Variants in LTBP1 observed in about 807,000 individuals in gnomAD.
LTBP1 encodes latent transforming growth factor beta binding protein 1.
Under a neutral mutation model 207.6 loss-of-function variants are expected in LTBP1, and 129 were observed. The observed-to-expected ratio is 0.62, with a 90% CI of 0.54 to 0.72. The LOEUF (loss-of-function observed/expected upper bound fraction) is 0.72. Ranked by LOEUF, LTBP1 falls within the 30% of genes least tolerant of loss-of-function variation. The pLI, the probability that LTBP1 is intolerant of heterozygous loss-of-function variation, is 0.00. For missense variants in LTBP1, 2,281 were observed against 2,217.2 expected (o/e 1.03, Z -0.58); for synonymous variants, 963 against 833.7 (o/e 1.16, Z -2.67).
At chr2:33,063,619 T>C (rs2149661445) in intron 3 of LTBP1, among the ~76,000 whole-genome samples, 1 of 152,280 alleles carries the variant, frequency 6.6e-6, no homozygotes, top group Non-Finnish European at 1.5e-5. Flanking sequence ...ACTACATAAA[T>C]ATTAAAAGTT....
chr2:33,099,802 C>T (rs755524599), intron 3 of LTBP1, among the ~76,000 whole-genome samples: 25 of 152,146 alleles, frequency 1.6e-4, no homozygotes, highest in Admixed American at 2.6e-4. Flanking sequence ...GGGTGCCTCT[C>T]ATAGTGCTTT....
At chr2:32,952,254 T>C (rs1677248989) in intron 2 of LTBP1, among the ~76,000 whole-genome samples, 1 of 152,140 alleles carries the variant, frequency 6.6e-6, no homozygotes, top group South Asian at 2.1e-4. Flanking sequence ...AAATTGCAAA[T>C]CAGAGAGATG....
intron 24 of LTBP1, among the ~76,000 whole-genome samples, chr2:33,332,205 T>A (rs1402680821): frequency 1.3e-5 from 2 of 151,800 alleles, no homozygotes; most frequent in Middle Eastern, 3.4e-3. Context: ...TATCCTCAAA[T>A]AGTAGATTGC....
chr2:33,174,219 C>G (rs1182392416), intron 5 of LTBP1, among the ~76,000 whole-genome samples: 1 of 146,802 alleles, frequency 6.8e-6, no homozygotes, highest in African/African-American at 2.5e-5. Flanking sequence ...TCAAATTGTC[C>G]CTGTTTGCAG....
intron 31 of LTBP1, among the ~76,000 whole-genome samples, chr2:33,378,211 GTGTGTGTGTGTTT>G (rs2150340643): frequency 6.6e-6 from 1 of 150,632 alleles, no homozygotes; most frequent in Non-Finnish European, 1.5e-5. Flanking sequence ...GTGTGTGTGT[GTGTGTGTGTGTTT>G]TGTTTGTTTG....
intron 5 of LTBP1, among the ~76,000 whole-genome samples, chr2:33,177,707 A>G (rs6543696): frequency 0.12 from 17,809 of 152,138 alleles, 2,593 homozygotes; most frequent in African/African-American, 0.35. Context: ...CAAGCTAAGC[A>G]CAGTAGAGGA....
intron 23 of LTBP1, among the ~76,000 whole-genome samples, chr2:33,314,782 A>G (rs891994907): frequency 3.9e-5 from 6 of 152,316 alleles, no homozygotes; most frequent in African/African-American, 1.4e-4. Flanking sequence ...AGCTGTGTGC[A>G]TGGCAATGGG....
At chr2:33,129,158 G>A (rs1425876464) in intron 4 of LTBP1, among the ~76,000 whole-genome samples, 2 of 152,182 alleles carry the variant, frequency 1.3e-5, no homozygotes, top group Non-Finnish European at 2.9e-5. Context: ...AGTGGAGAAC[G>A]AGCAAAAACA....
intron 5 of LTBP1, among the ~76,000 whole-genome samples, chr2:33,179,340 A>G (rs928577523): frequency 2.0e-5 from 3 of 152,192 alleles, no homozygotes; most frequent in African/African-American, 7.2e-5. Flanking sequence ...GTTACTATGA[A>G]TATTCGTGAA....
chr2:33,347,074 C>T (rs767463331), intron 25 of LTBP1, among the ~76,000 whole-genome samples: 20 of 146,576 alleles, frequency 1.4e-4, no homozygotes, highest in Non-Finnish European at 2.2e-4. Context: ...GCCGAGATCG[C>T]GCCTCTGCAC....
At chr2:33,277,809 CTTTT>C (rs1159456025) in intron 18 of LTBP1, among the ~76,000 whole-genome samples, 60 of 105,724 alleles carry the variant, frequency 5.7e-4, no homozygotes, top group African/African-American at 1.7e-3. Flanking sequence ...CTCTCTCTTT[CTTTT>C]TTTCTTTCTT....
At chr2:33,124,109 C>G (rs921607698) in intron 4 of LTBP1, among the ~76,000 whole-genome samples, 1 of 152,096 alleles carries the variant, frequency 6.6e-6, no homozygotes, top group Non-Finnish European at 1.5e-5. Flanking sequence ...TTTAGCTTAA[C>G]AAAAATTACT....
At chr2:33,185,167 G>A (rs2087062160) in intron 5 of LTBP1, among the ~76,000 whole-genome samples, 1 of 152,182 alleles carries the variant, frequency 6.6e-6, no homozygotes, top group African/African-American at 2.4e-5. Context: ...CCATGTAGCT[G>A]TATTGTAGAG....
chr2:33,222,264 T>A, intron 9 of LTBP1, 113 bp downstream of exon 9: 1 of 730,534 alleles, frequency 1.4e-6, no homozygotes, highest in East Asian at 2.6e-5. Flanking sequence ...GTGAACCACC[T>A]CATGTTCACT....
chr2:33,121,519 G>A (rs1029592715), intron 4 of LTBP1, among the ~76,000 whole-genome samples: 4 of 152,034 alleles, frequency 2.6e-5, no homozygotes, highest in African/African-American at 7.3e-5. Context: ...CACCAGCTGG[G>A]CTCCTTGTTT....
intron 5 of LTBP1, among the ~76,000 whole-genome samples, chr2:33,163,966 T>A (rs2084684131): frequency 6.6e-6 from 1 of 152,108 alleles, no homozygotes; most frequent in Non-Finnish European, 1.5e-5. Context: ...TATTGATTCT[T>A]ATTTTTTTTT....
chr2:33,084,570 TA>T (rs2078639671), intron 3 of LTBP1, among the ~76,000 whole-genome samples: 1 of 152,078 alleles, frequency 6.6e-6, no homozygotes, highest in Non-Finnish European at 1.5e-5. Flanking sequence ...GAGAGGGGTG[TA>T]ACATACAAAG....
intron 3 of LTBP1, among the ~76,000 whole-genome samples, chr2:33,026,742 A>G (rs1308964028): frequency 6.6e-6 from 1 of 152,234 alleles, no homozygotes; most frequent in African/African-American, 2.4e-5. Flanking sequence ...ATTTGAACCA[A>G]TCACTGATTT....
At chr2:33,001,303 A>C (rs388602) in intron 2 of LTBP1, among the ~76,000 whole-genome samples, 43,358 of 134,172 alleles carry the variant, frequency 0.32, 14,027 homozygotes, top group Non-Finnish European at 0.45. Context: ...ATTTTTCTGC[A>C]CGAGAATCAT....
Sources: gnomAD v4.1 joint callset for allele counts (sites outside exome capture counted in the v4.1 genomes callset) on GRCh38, gnomAD v4.1.1 for gene constraint, MANE v1.5 for transcripts, NCBI Gene and HGNC (gene_info 2026-07-23, HGNC 2026-07-21) for gene names.